DCT: variants seen among roughly 807,000 people sequenced by gnomAD.
DCT encodes the protein dopachrome tautomerase.
In DCT, 47 loss-of-function variants were observed where a neutral mutation model predicts 53.0. That is an observed-to-expected ratio of 0.89 (90% CI 0.70 to 1.13). DCT has a LOEUF of 1.13. Among genes scored for constraint, DCT ranks in the 50% most tolerant of loss-of-function variants. The probability of loss-of-function intolerance (pLI) is 0.00; values close to 1 mark genes in which losing one functional copy is unlikely to be tolerated. For missense variants in DCT, 669 were observed against 637.4 expected (o/e 1.05, Z -0.53); for synonymous variants, 244 against 237.0 (o/e 1.03, Z -0.27).
the DCT span, among the ~76,000 whole-genome samples, chr13:94,515,379 T>C: frequency 6.6e-6 from 1 of 152,172 alleles, no homozygotes; most frequent in African/African-American, 2.4e-5. Flanking sequence ...GAGGATGGGA[T>C]AGATTCAAAC....
At position 94,439,732 on chromosome 13, in the gene DCT, G is replaced by C; in HGVS notation, c.*166C>G. 1 of 494,604 alleles carries C rather than the reference G, an allele frequency of 2.0e-6. No homozygotes were observed. Among genetic ancestry groups the C allele is most frequent in the East Asian group, 3.2e-5 (1 of 30,916 alleles). The allele number at this position is 494,604 out of a possible 1,614,324, so 30.6% of individuals were successfully genotyped here. A position where few individuals can be genotyped will look rare whatever the true frequency, so the allele number is the denominator to read the frequency against. On this transcript the variant is annotated 3_prime_UTR_variant, in exon 8 of 8. Transcript: ENST00000377028. ...TGGGTTTGTTAAACAAGCAAGCAAAGCGGAAACTACAGCTAAGCATCTTCT... is the reference window on the plus strand; with the variant it reads ...TGGGTTTGTTAAACAAGCAAGCAAACCGGAAACTACAGCTAAGCATCTTCT...
intron 6 of DCT, among the ~76,000 whole-genome samples, chr13:94,446,060 CCAGA>C (rs1303686220): frequency 6.6e-6 from 1 of 152,084 alleles, no homozygotes; most frequent in Non-Finnish European, 1.5e-5. Flanking sequence ...GCTAAGAGAT[CCAGA>C]CAGAGAATGA....
chr13:94,537,422 T>C, the DCT span, among the ~76,000 whole-genome samples: 1 of 152,246 alleles, frequency 6.6e-6, no homozygotes, highest in Admixed American at 6.5e-5. Flanking sequence ...TCCTGGTTCA[T>C]AGGATTACAA....
the DCT span, among the ~76,000 whole-genome samples, chr13:94,505,267 A>G: frequency 6.6e-6 from 1 of 151,168 alleles, no homozygotes; most frequent in Non-Finnish European, 1.5e-5. Flanking sequence ...CATCTGGAAA[A>G]TAAGGGGAAT....
intron 7 of DCT, among the ~76,000 whole-genome samples, chr13:94,441,416 C>T (rs1183128903): frequency 6.6e-6 from 1 of 152,156 alleles, no homozygotes; most frequent in Non-Finnish European, 1.5e-5. Context: ...AGTGCAGTGG[C>T]ATTAAGTACA....
rs760651594 is a variant in DCT at position 94,468,797 on chromosome 13, A to G, written c.544T>C (p.Tyr182His). Residue 182 changes from tyrosine (Y) to histidine (H), a missense_variant, in exon 2 of 8, where the codon TAT becomes CAT. Tyr to His is a moderately conservative substitution (Grantham distance 83). Transcript: ENST00000377028. ...TQPQFANCSV[Y>H]DFFVWLHYYS... ...TAATGGAGCCACACAAAAAAATCAT[A>G]AACACTGCAGTTGGCAAACTGCGGC... is the stretch of plus-strand genomic sequence containing the variant. The G allele has an allele frequency of 1.9e-6, 3 of 1,614,082 alleles. No individual in the cohort carries two copies. Among genetic ancestry groups the G allele is most frequent in the Non-Finnish European group, 2.5e-6 (3 of 1,180,036 alleles).
At chr13:94,500,217 C>T in the DCT span, among the ~76,000 whole-genome samples, 48,935 of 151,970 alleles carry the variant, frequency 0.32, 7,930 homozygotes, top group Admixed American at 0.38. Context: ...CTCATGCTGC[C>T]AACAAAGACA....
At chr13:94,453,582 T>G (rs998859709) in intron 6 of DCT, among the ~76,000 whole-genome samples, 2 of 151,492 alleles carry the variant, frequency 1.3e-5, no homozygotes, top group Non-Finnish European at 2.9e-5. Flanking sequence ...TGATATGGTT[T>G]AGCTGTGTTC....
the DCT span, among the ~76,000 whole-genome samples, chr13:94,536,072 C>T: frequency 0.26 from 39,881 of 152,016 alleles, 6,500 homozygotes; most frequent in East Asian, 0.61. Flanking sequence ...AGCTCAGAAG[C>T]CAGTAAATGA....
the DCT span, among the ~76,000 whole-genome samples, chr13:94,497,840 T>G: frequency 6.6e-6 from 1 of 152,028 alleles, no homozygotes; most frequent in African/African-American, 2.4e-5. Context: ...AATGGACCTG[T>G]GCAGTTCAAA....
intron 4 of DCT, 107 bp from the exon 5 acceptor site, chr13:94,462,296 C>A: frequency 1.2e-6 from 1 of 822,924 alleles, no homozygotes; most frequent in Non-Finnish European, 2.0e-6. Context: ...TCCCTTGAGG[C>A]CAGGAGTTTG....
the DCT span, among the ~76,000 whole-genome samples, chr13:94,517,630 A>G: frequency 6.6e-6 from 1 of 152,248 alleles, no homozygotes; most frequent in East Asian, 1.9e-4. Context: ...TAAATTCTGG[A>G]TCTTGAGATG....
At chr13:94,453,403 T>C (rs1247354220) in intron 6 of DCT, among the ~76,000 whole-genome samples, 1 of 152,204 alleles carries the variant, frequency 6.6e-6, no homozygotes, top group Non-Finnish European at 1.5e-5. Context: ...TCTGTAATTA[T>C]AAATAATATA....
chr13:94,532,155 C>T, the DCT span, among the ~76,000 whole-genome samples: 35 of 152,004 alleles, frequency 2.3e-4, no homozygotes, highest in South Asian at 4.1e-4. Flanking sequence ...GGAGAGGATG[C>T]GGAGAAATAG....
chr13:94,446,829 C>G lies in DCT; in HGVS notation c.1180-3192G>C, dbSNP rs143714299. On this transcript the variant is annotated intron_variant, in intron 6 of 7. Coordinates refer to ENST00000377028, the MANE Select transcript of DCT (RefSeq NM_001922.5). ...ATCTTCATCCTCATGCAGTGTTCTC[C>G]CTGTGTGCAGGTGCCTATGTCCAAA... 3.3e-5 allele frequency among the ~76,000 whole-genome samples: 5 copies of G among 152,226 alleles called. No homozygotes were observed. The East Asian group carries it at 5.8e-4, about 18-fold the overall frequency.
Position 94,479,048 on chromosome 13 carries a change from G to A in DCT, c.208C>T (p.Pro70Ser), listed in dbSNP as rs777675561. 3 of 1,614,214 alleles carry A rather than the reference G, an allele frequency of 1.9e-6. No homozygotes were observed. Among genetic ancestry groups the A allele is most frequent in the East Asian group, 2.2e-5 (1 of 44,882 alleles). Residue 70 changes from proline to serine, a missense_variant, in exon 1 of 8, where the codon CCC (proline) becomes TCC (serine). By Grantham distance (74) the Pro-to-Ser change is moderately conservative. Transcript: ENST00000377028. Reference sequence around the variant, plus strand: ...CGTAGGATGTAGGGACCACTCCAGGGCCTTGTGTCGGCTCGCACCTCTGTG... The same window carrying A: ...CGTAGGATGTAGGGACCACTCCAGGACCTTGTGTCGGCTCGCACCTCTGTG... ...QCTEVRADTR[P>S]WSGPYILRNQ...
the DCT span, among the ~76,000 whole-genome samples, chr13:94,490,529 A>AAAAAAAAAAAAAAC: frequency 6.7e-6 from 1 of 148,714 alleles, no homozygotes; most frequent in Non-Finnish European, 1.5e-5. Context: ...AAAAAAAAAA[A>AAAAAAAAAAAAAAC]AACAACTAAC....
chr13:94,453,930 T>A (rs1482561621), intron 6 of DCT, among the ~76,000 whole-genome samples: 1 of 152,194 alleles, frequency 6.6e-6, no homozygotes, highest in Non-Finnish European at 1.5e-5. Flanking sequence ...CTATCCTTCT[T>A]TTTTTAAATT....
chr13:94,504,812 G>T, the DCT span, among the ~76,000 whole-genome samples: 4 of 152,084 alleles, frequency 2.6e-5, no homozygotes, highest in South Asian at 8.3e-4. Flanking sequence ...ACTTGTCAAG[G>T]TGATGCCATT....
Sources: gnomAD v4.1 joint callset for allele counts (sites outside exome capture counted in the v4.1 genomes callset) on GRCh38, gnomAD v4.1.1 for gene constraint, MANE v1.5 for transcripts, NCBI Gene and HGNC (gene_info 2026-07-23, HGNC 2026-07-21) for gene names.